TENM4: variants seen among roughly 807,000 people sequenced by gnomAD.
The protein encoded by TENM4 is teneurin transmembrane protein 4.
In TENM4, 82 loss-of-function variants were observed where a neutral mutation model predicts 243.3. The ratio of observed to expected loss-of-function variants is 0.34; its 90% CI spans 0.28 to 0.40. The LOEUF (loss-of-function observed/expected upper bound fraction) is 0.40. Ranked by LOEUF, TENM4 falls within the 10% of genes least tolerant of loss-of-function variation. The pLI is 1.00. For synonymous variants in TENM4, 1,412 were observed against 1,456.3 expected (o/e 0.97, Z 0.69); for missense variants, 3,138 against 3,673.3 (o/e 0.85, Z 3.77).
intron 6 of TENM4, among the ~76,000 whole-genome samples, chr11:79,021,118 T>G (rs1038858708): frequency 6.6e-6 from 1 of 152,228 alleles, no homozygotes; most frequent in African/African-American, 2.4e-5. Flanking sequence ...CCTGAAATTT[T>G]ATATACCTTA....
intron 1 of TENM4, among the ~76,000 whole-genome samples, chr11:79,422,930 A>C (rs1490250623): frequency 6.6e-6 from 1 of 152,190 alleles, no homozygotes; most frequent in Admixed American, 6.5e-5. Flanking sequence ...CTTATTTTTA[A>C]ACTGAAAGTA....
intron 2 of TENM4, among the ~76,000 whole-genome samples, chr11:79,275,961 T>C (rs959684365): frequency 6.6e-6 from 1 of 152,232 alleles, no homozygotes; most frequent in Non-Finnish European, 1.5e-5. Context: ...ATGGGTTTTA[T>C]GTGGGGGGAA....
At chr11:78,697,574 A>G (rs1337217580) in intron 28 of TENM4, among the ~76,000 whole-genome samples, 1 of 152,132 alleles carries the variant, frequency 6.6e-6, no homozygotes, top group East Asian at 1.9e-4. Flanking sequence ...TCTTCTCACT[A>G]CAGCATATCT....
intron 1 of TENM4, among the ~76,000 whole-genome samples, chr11:79,345,533 C>G (rs1344538354): frequency 6.6e-6 from 1 of 152,214 alleles, no homozygotes; most frequent in Admixed American, 6.5e-5. Context: ...GAGGCTTAAT[C>G]TCTCACTTAT....
intron 2 of TENM4, among the ~76,000 whole-genome samples, chr11:79,291,474 C>T (rs752130650): frequency 6.6e-5 from 10 of 152,114 alleles, no homozygotes; most frequent in Non-Finnish European, 1.2e-4. Flanking sequence ...CAAACATCCA[C>T]CCTAGCAACA....
At chr11:78,986,604 G>A (rs538355047) in intron 6 of TENM4, among the ~76,000 whole-genome samples, 72 of 152,220 alleles carry the variant, frequency 4.7e-4, no homozygotes, top group Admixed American at 1.8e-3. Flanking sequence ...TCGCTCTGTC[G>A]TCCGCCTAGA....
chr11:78,828,721 A>G (rs2136140663), intron 12 of TENM4, among the ~76,000 whole-genome samples: 1 of 152,382 alleles, frequency 6.6e-6, no homozygotes, highest in Admixed American at 6.5e-5. Flanking sequence ...ACCTAGGCAG[A>G]TACTTCCTCA....
intron 2 of TENM4, among the ~76,000 whole-genome samples, chr11:79,254,076 G>A (rs913572698): frequency 4.6e-5 from 7 of 152,176 alleles, no homozygotes; most frequent in Admixed American, 3.9e-4. Context: ...ATATGCTGTC[G>A]ATGGGAGTGT....
intron 2 of TENM4, among the ~76,000 whole-genome samples, chr11:79,247,232 C>T (rs1226639089): frequency 6.6e-6 from 1 of 151,832 alleles, no homozygotes; most frequent in Non-Finnish European, 1.5e-5. Context: ...GCCTGGCCAA[C>T]ATGGTGAAAC....
At chr11:79,087,357 C>G (rs1182687631) in intron 4 of TENM4, among the ~76,000 whole-genome samples, 2 of 152,162 alleles carry the variant, frequency 1.3e-5, no homozygotes, top group African/African-American at 4.8e-5. Context: ...AAGGGAATGT[C>G]GTTGGATGAA....
intron 6 of TENM4, among the ~76,000 whole-genome samples, chr11:78,914,713 A>C (rs1345032096): frequency 6.6e-6 from 1 of 151,970 alleles, no homozygotes; most frequent in Non-Finnish European, 1.5e-5. Context: ...AATCAACCAG[A>C]CCTCTGGGAA....
At chr11:79,181,623 G>T (rs1344582044) in intron 3 of TENM4, among the ~76,000 whole-genome samples, 3 of 150,480 alleles carry the variant, frequency 2.0e-5, no homozygotes, top group Admixed American at 6.6e-5. Flanking sequence ...GAAATAAAAG[G>T]TATATAGATT....
Position 78,856,174 on chromosome 11 carries a change from C to A in TENM4, c.1260G>T (p.Lys420Asn). ...TGTCCTCTGGAAAGAAACTACTGGG[C>A]TTTCCTACCAAGATAGAGGGAAGGG... is the stretch of plus-strand genomic sequence containing the variant. ...DRKGKGTTEG[K>N]PSSFFPEDSF... is the part of the protein sequence containing the mutation. Residue 420 changes from lysine to asparagine, a missense_variant, in exon 11 of 34, where the codon AAG becomes AAT. Physicochemically the swap from Lys to Asn is moderately conservative, Grantham distance 94. Coordinates refer to ENST00000278550, the MANE Select transcript of TENM4 (RefSeq NM_001098816.3). 6.4e-7 allele frequency: 1 copy of A among 1,551,366 alleles called. No homozygotes were observed. Among genetic ancestry groups the A allele is most frequent in the Non-Finnish European group, 8.7e-7 (1 of 1,146,776 alleles).
At chr11:79,144,431 C>T (rs1024341962) in intron 4 of TENM4, among the ~76,000 whole-genome samples, 3 of 151,992 alleles carry the variant, frequency 2.0e-5, no homozygotes, top group Non-Finnish European at 4.4e-5. Context: ...TTACTAGGTA[C>T]ATACCCCAAA....
chr11:78,903,870 C>T, intron 6 of TENM4: 1 of 563,218 alleles, frequency 1.8e-6, no homozygotes, highest in African/African-American at 1.9e-5. Context: ...TGGCCAGGGA[C>T]CAGCAGCTTC....
chr11:79,383,974 G>A (rs1158402370), intron 1 of TENM4, among the ~76,000 whole-genome samples: 1 of 152,088 alleles, frequency 6.6e-6, no homozygotes. Context: ...GAAACCTTCT[G>A]CACTAGAATC....
In TENM4 at chr11:79,156,340, T is replaced by C. The variant is rs190817908; in HGVS notation, c.-162-7534A>G. 7.1e-4 allele frequency among the ~76,000 whole-genome samples: 108 copies of C among 152,330 alleles called. 1 individual carries two copies. Among genetic ancestry groups the C allele is most frequent in the Middle Eastern group, 6.8e-3 (2 of 294 alleles). ...TGTGCGAGGTGCTTGTCAGCATGGA[T>C]AGATTGATTCCTCTCTGGTCCCTGT... On this transcript the variant is annotated intron_variant, in intron 3 of 33. Transcript: ENST00000278550.
At chr11:79,410,956 T>A (rs1316535246) in intron 1 of TENM4, among the ~76,000 whole-genome samples, 1 of 151,188 alleles carries the variant, frequency 6.6e-6, no homozygotes, top group Non-Finnish European at 1.5e-5. Context: ...TACACACACA[T>A]ACACACACAC....
At chr11:79,371,222 T>G (rs1013174709) in intron 1 of TENM4, among the ~76,000 whole-genome samples, 2 of 152,206 alleles carry the variant, frequency 1.3e-5, no homozygotes, top group Middle Eastern at 3.2e-3. Flanking sequence ...GGGGTAGCAC[T>G]GGAGGAAAGC....
Sources: gnomAD v4.1 joint callset for allele counts (sites outside exome capture counted in the v4.1 genomes callset) on GRCh38, gnomAD v4.1.1 for gene constraint, MANE v1.5 for transcripts, NCBI Gene and HGNC (gene_info 2026-07-23, HGNC 2026-07-21) for gene names.